NKAIN3: variants seen among roughly 807,000 people sequenced by gnomAD.
The protein encoded by NKAIN3 is sodium/potassium-transporting ATPase subunit beta-1-interacting protein 3.
In NKAIN3, 25 loss-of-function variants were observed where a neutral mutation model predicts 30.2. That is an observed-to-expected ratio of 0.83 (90% CI 0.60 to 1.16). The LOEUF (loss-of-function observed/expected upper bound fraction) is 1.16. Among genes scored for constraint, NKAIN3 ranks in the 50% most tolerant of loss-of-function variants. The pLI, the probability that NKAIN3 is intolerant of heterozygous loss-of-function variation, is 0.00. For missense variants in NKAIN3, 225 were observed against 254.1 expected (o/e 0.89, Z 0.78); for synonymous variants, 91 against 89.6 (o/e 1.02, Z -0.09).
chr8:62,988,172 A>G (rs1824242503), downstream of NKAIN3, among the ~76,000 whole-genome samples: 1 of 152,348 alleles, frequency 6.6e-6, no homozygotes, highest in Admixed American at 6.5e-5. Context: ...TTTGCAGGGT[A>G]CAACCTCCTT....
At chr8:62,845,371 T>A (rs998422521) in intron 4 of NKAIN3, among the ~76,000 whole-genome samples, 1 of 145,988 alleles carries the variant, frequency 6.8e-6, no homozygotes, top group Non-Finnish European at 1.5e-5. Context: ...CCCCCAACTC[T>A]CATCAGTCCT....
intron 1 of NKAIN3, among the ~76,000 whole-genome samples, chr8:62,434,271 C>T (rs1805102965): frequency 6.6e-6 from 1 of 152,176 alleles, no homozygotes; most frequent in Non-Finnish European, 1.5e-5. Flanking sequence ...CATTTAGACA[C>T]TGCTGCCATC....
chr8:62,716,637 A>G (rs926514731), intron 3 of NKAIN3, among the ~76,000 whole-genome samples: 1 of 152,192 alleles, frequency 6.6e-6, no homozygotes, highest in Non-Finnish European at 1.5e-5. Flanking sequence ...TAAAAAATAC[A>G]TGAATCTGTG....
At chr8:62,445,348 T>C (rs1315585207) in intron 1 of NKAIN3, among the ~76,000 whole-genome samples, 1 of 151,924 alleles carries the variant, frequency 6.6e-6, no homozygotes, top group East Asian at 1.9e-4. Context: ...TCTATTCAGA[T>C]CTTTTGCCCA....
chr8:62,581,630 G>C (rs969964667), intron 2 of NKAIN3, among the ~76,000 whole-genome samples: 4 of 152,156 alleles, frequency 2.6e-5, no homozygotes, highest in Admixed American at 6.5e-5. Context: ...ACCACCACTG[G>C]GTCCTTAGCT....
At chr8:62,757,607 AAAG>A (rs1448281708) in intron 4 of NKAIN3, among the ~76,000 whole-genome samples, 2 of 152,236 alleles carry the variant, frequency 1.3e-5, no homozygotes, top group Admixed American at 1.3e-4. Flanking sequence ...GAACTCATAG[AAAG>A]AAGTAGTGTT....
At chr8:62,449,239 CA>C (rs762448422) in intron 1 of NKAIN3, among the ~76,000 whole-genome samples, 4 of 151,870 alleles carry the variant, frequency 2.6e-5, no homozygotes, top group Non-Finnish European at 4.4e-5. Context: ...ATGGAAATTC[CA>C]TGATTTCTTG....
At chr8:62,694,056 A>G (rs1487281026) in intron 3 of NKAIN3, among the ~76,000 whole-genome samples, 1 of 152,218 alleles carries the variant, frequency 6.6e-6, no homozygotes, top group Admixed American at 6.5e-5. Context: ...AATATCCATT[A>G]CTTCACATAT....
chr8:62,381,573 G>C (rs1817278848), intron 1 of NKAIN3, among the ~76,000 whole-genome samples: 1 of 152,002 alleles, frequency 6.6e-6, no homozygotes, highest in African/African-American at 2.4e-5. Flanking sequence ...GCCATATAAA[G>C]CCATATATCT....
intron 5 of NKAIN3, among the ~76,000 whole-genome samples, chr8:62,924,475 A>G (rs1277161300): frequency 2.6e-5 from 4 of 152,260 alleles, no homozygotes; most frequent in Admixed American, 6.5e-5. Context: ...GAATGAGTCA[A>G]TGTATGAACA....
intron 1 of NKAIN3, among the ~76,000 whole-genome samples, chr8:62,560,898 A>G (rs1809555084): frequency 6.6e-6 from 1 of 152,036 alleles, no homozygotes; most frequent in African/African-American, 2.4e-5. Context: ...AATTTCATTT[A>G]TCATATTTTC....
intron 3 of NKAIN3, among the ~76,000 whole-genome samples, chr8:62,729,150 C>A (rs776007772): frequency 4.0e-5 from 6 of 150,574 alleles, no homozygotes; most frequent in Non-Finnish European, 5.9e-5. Context: ...GAGTGTTGTC[C>A]AACATACACA....
At position 62,949,066 on chromosome 8, in the gene NKAIN3, T is replaced by C. The variant is rs541159672; in HGVS notation, c.533-4836T>C. ...TAAATTTCTCAGAGCTGAGGGTGAC[T>C]CTCCCCATAGCCCCTGGAGGGCTAC... On this transcript the variant is annotated intron_variant, in intron 5 of 6. Coordinates refer to ENST00000623646, the MANE Select transcript of NKAIN3 (RefSeq NM_001304533.3). Among the ~76,000 whole-genome samples the C allele has an allele frequency of 7.2e-5, 11 of 152,292 alleles. 1 individual carries two copies. In the South Asian group the frequency reaches 2.3e-3, roughly 32 times the overall value.
intron 1 of NKAIN3, among the ~76,000 whole-genome samples, chr8:62,294,338 G>GC (rs1185678415): frequency 6.6e-6 from 1 of 152,142 alleles, no homozygotes; most frequent in African/African-American, 2.4e-5. Context: ...TTCCTATTCA[G>GC]CCATCTTCAG....
intron 4 of NKAIN3, among the ~76,000 whole-genome samples, chr8:62,775,622 A>G (rs759617141): frequency 1.3e-5 from 2 of 152,004 alleles, no homozygotes; most frequent in Non-Finnish European, 2.9e-5. Flanking sequence ...AATTTGATTC[A>G]AGAATTTAAA....
intron 1 of NKAIN3, among the ~76,000 whole-genome samples, chr8:62,402,072 A>G (rs1489777557): frequency 6.6e-6 from 1 of 152,154 alleles, no homozygotes; most frequent in Non-Finnish European, 1.5e-5. Flanking sequence ...TGGAGTCACA[A>G]ACCTTAGGTA....
chr8:62,427,644 A>G (rs1391131346), intron 1 of NKAIN3, among the ~76,000 whole-genome samples: 1 of 151,914 alleles, frequency 6.6e-6, no homozygotes, highest in Non-Finnish European at 1.5e-5. Flanking sequence ...TACAAGTGTC[A>G]TGTTTTCTGT....
intron 3 of NKAIN3, among the ~76,000 whole-genome samples, chr8:62,679,570 G>A (rs1813587802): frequency 6.6e-6 from 1 of 152,166 alleles, no homozygotes; most frequent in Admixed American, 6.6e-5. Context: ...AGGTTGTACA[G>A]GAAGCATAGC....
chr8:62,738,898 A>G (rs1376493879), intron 3 of NKAIN3, among the ~76,000 whole-genome samples: 1 of 152,176 alleles, frequency 6.6e-6, no homozygotes. Context: ...GGATAAAGAA[A>G]ATGTGGCACA....
Sources: allele counts gnomAD v4.1 joint callset (sites outside exome capture counted in the v4.1 genomes callset), GRCh38; gene constraint gnomAD v4.1.1; transcripts MANE v1.5; gene names NCBI Gene and HGNC (gene_info 2026-07-23, HGNC 2026-07-21).